GKAP1: variants seen among roughly 807,000 people sequenced by gnomAD.
GKAP1 encodes G kinase-anchoring protein 1.
Under a neutral mutation model 56.7 loss-of-function variants are expected in GKAP1, and 31 were observed. The observed-to-expected ratio is 0.55, with a 90% CI of 0.41 to 0.74. The LOEUF (loss-of-function observed/expected upper bound fraction) is 0.74. Among genes scored for constraint, GKAP1 ranks in the 30% least tolerant of loss-of-function variants. The pLI is 0.00. For missense variants in GKAP1, 364 were observed against 402.3 expected, an observed-to-expected ratio of 0.90 and a Z score of 0.82; for synonymous variants, 151 against 138.6, an observed-to-expected ratio of 1.09 and a Z score of -0.63.
chr9:83,786,867 C>A (rs1437613425), intron 5 of GKAP1, among the ~76,000 whole-genome samples: 1 of 152,196 alleles, frequency 6.6e-6, no homozygotes, highest in Non-Finnish European at 1.5e-5. Context: ...TCTAAGGATA[C>A]AGGTAATCCT....
intron 8 of GKAP1, among the ~76,000 whole-genome samples, chr9:83,768,541 T>A (rs1943702281): frequency 6.6e-6 from 1 of 152,216 alleles, no homozygotes; most frequent in Admixed American, 6.5e-5. Flanking sequence ...AAAGGTCTTA[T>A]CCATCTTCGT....
chr9:83,792,832 A>T, intron 4 of GKAP1: 1 of 196,532 alleles, frequency 5.1e-6, no homozygotes, highest in Non-Finnish European at 1.0e-5. Flanking sequence ...TACCTTGTTT[A>T]AGTTTGCGAA....
chr9:83,808,915 A>G (rs995877232), intron 2 of GKAP1, among the ~76,000 whole-genome samples: 1 of 152,236 alleles, frequency 6.6e-6, no homozygotes, highest in African/African-American at 2.4e-5. Flanking sequence ...TTGCAGAAGC[A>G]TATAGTGAGA....
chr9:83,751,011 A>G (rs1943380464), intron 9 of GKAP1, among the ~76,000 whole-genome samples: 1 of 151,918 alleles, frequency 6.6e-6, no homozygotes, highest in Admixed American at 6.6e-5. Context: ...AATTTTTCAT[A>G]TTTTTAGTAG....
chr9:83,775,048 G>A (rs1480395893), intron 7 of GKAP1, among the ~76,000 whole-genome samples: 4 of 148,706 alleles, frequency 2.7e-5, no homozygotes, highest in African/African-American at 7.5e-5. Flanking sequence ...TCACTCTGTC[G>A]CCCATGCTAG....
intron 10 of GKAP1, among the ~76,000 whole-genome samples, chr9:83,745,979 T>C (rs926503830): frequency 1.3e-5 from 2 of 151,996 alleles, no homozygotes; most frequent in South Asian, 2.1e-4. Flanking sequence ...TTAGTAGAGA[T>C]AGGGTTTCAC....
At position 83,739,755 on chromosome 9, in the gene GKAP1, A is replaced by G. The variant is rs1406910945; in HGVS notation, c.1054-11T>C. ...CCCTTTTCTGCCACCCTGTAAAAAAAAAAAAAAATAGGGAAAATTATTTAC... is the reference window on the plus strand; with the variant it reads ...CCCTTTTCTGCCACCCTGTAAAAAAGAAAAAAAATAGGGAAAATTATTTAC... On this transcript the variant is annotated splice_polypyrimidine_tract_variant and intron_variant, in intron 12 of 12. Transcript: ENST00000376371. The G allele has an allele frequency of 3.7e-6, 6 of 1,605,708 alleles. No individual in the cohort carries two copies. The Admixed American group carries it at 8.5e-5, about 23-fold the overall frequency.
At chr9:83,754,768 T>A (rs1008944118) in intron 8 of GKAP1, among the ~76,000 whole-genome samples, 2 of 152,304 alleles carry the variant, frequency 1.3e-5, no homozygotes, top group South Asian at 2.1e-4. Flanking sequence ...TTATTCTGAG[T>A]AAAACAGAAA....
chr9:83,778,318 G>T (rs1223582597), intron 7 of GKAP1, among the ~76,000 whole-genome samples: 2 of 152,052 alleles, frequency 1.3e-5, no homozygotes, highest in African/African-American at 4.8e-5. Flanking sequence ...ATGGTAGACT[G>T]GATAAAGAAA....
chr9:83,755,199 T>C (rs890458943), intron 8 of GKAP1, among the ~76,000 whole-genome samples: 4 of 152,198 alleles, frequency 2.6e-5, no homozygotes, highest in South Asian at 4.1e-4. Flanking sequence ...AAAGTGTTCA[T>C]TGTAGATTTA....
At chr9:83,753,871 C>G (rs769934247) in intron 8 of GKAP1, among the ~76,000 whole-genome samples, 1 of 152,052 alleles carries the variant, frequency 6.6e-6, no homozygotes, top group South Asian at 2.1e-4. Context: ...TATAAAATCT[C>G]GAAAATGACA....
intron 7 of GKAP1, among the ~76,000 whole-genome samples, chr9:83,769,424 A>G (rs1943719551): frequency 6.6e-6 from 1 of 152,164 alleles, no homozygotes; most frequent in Non-Finnish European, 1.5e-5. Context: ...CCCAGGCAAC[A>G]CTAATCTATT....
chr9:83,797,767 T>G (rs1170470504), intron 4 of GKAP1, among the ~76,000 whole-genome samples: 1 of 152,236 alleles, frequency 6.6e-6, no homozygotes, highest in Non-Finnish European at 1.5e-5. Context: ...GTTCCCATGT[T>G]GCATGGAATT....
At chr9:83,774,877 T>C (rs1401910488) in intron 7 of GKAP1, among the ~76,000 whole-genome samples, 1 of 151,166 alleles carries the variant, frequency 6.6e-6, no homozygotes, top group Non-Finnish European at 1.5e-5. Context: ...CCCAGATAAG[T>C]TTTGTATTTT....
intron 3 of GKAP1, among the ~76,000 whole-genome samples, chr9:83,804,097 C>G (rs390893): frequency 0.44 from 65,194 of 147,170 alleles, 15,026 homozygotes; most frequent in African/African-American, 0.6. Flanking sequence ...CTCCGCCCGG[C>G]AGCCGCCCCG....
intron 12 of GKAP1, among the ~76,000 whole-genome samples, chr9:83,740,618 A>G (rs981565757): frequency 2.0e-5 from 3 of 152,160 alleles, no homozygotes; most frequent in Non-Finnish European, 4.4e-5. Flanking sequence ...TTACCTAAGC[A>G]GTAATATTTT....
At chr9:83,795,301 A>G (rs1403933129) in intron 4 of GKAP1, among the ~76,000 whole-genome samples, 1 of 152,158 alleles carries the variant, frequency 6.6e-6, no homozygotes, top group Admixed American at 6.5e-5. Context: ...ACTCATTTCA[A>G]TTAAGAAACA....
intron 8 of GKAP1, among the ~76,000 whole-genome samples, chr9:83,757,405 T>C (rs969424638): frequency 1.3e-5 from 2 of 152,208 alleles, no homozygotes; most frequent in African/African-American, 4.8e-5. Context: ...CATGCACACA[T>C]AGAAACAAAT....
At chr9:83,783,148 T>C (rs1432355043) in intron 6 of GKAP1, among the ~76,000 whole-genome samples, 1 of 152,230 alleles carries the variant, frequency 6.6e-6, no homozygotes, top group African/African-American at 2.4e-5. Context: ...TTGGGTTTTT[T>C]TCTTTTTGAA....
Sources: allele counts gnomAD v4.1 joint callset (sites outside exome capture counted in the v4.1 genomes callset), GRCh38; gene constraint gnomAD v4.1.1; transcripts MANE v1.5; gene names NCBI Gene and HGNC (gene_info 2026-07-23, HGNC 2026-07-21).